PACRG: variants seen among roughly 807,000 people sequenced by gnomAD.
PACRG encodes the protein parkin coregulated.
A neutral mutation model predicts 29.7 loss-of-function variants in PACRG; 29 were observed. The ratio of observed to expected loss-of-function variants is 0.98; its 90% CI spans 0.73 to 1.33. PACRG has a LOEUF of 1.33. PACRG is among the 40% of genes most tolerant of loss of function. The pLI is 0.00. For synonymous variants in PACRG, 116 were observed against 118.7 expected, an observed-to-expected ratio of 0.98 and a Z score of 0.15; for missense variants, 279 against 316.2, an observed-to-expected ratio of 0.88 and a Z score of 0.89.
intron 2 of PACRG, among the ~76,000 whole-genome samples, chr6:162,916,022 G>T (rs1266893994): frequency 6.6e-6 from 1 of 152,102 alleles, no homozygotes; most frequent in Non-Finnish European, 1.5e-5. Flanking sequence ...GTTTCCTCTT[G>T]TATCATTTTT....
At position 162,951,553 on chromosome 6, in the gene PACRG, T is replaced by C. The variant is rs1250022618; in HGVS notation, c.292-110597T>C. Among the ~76,000 whole-genome samples the C allele has an allele frequency of 1.3e-5, 2 of 152,202 alleles. 1 individual carries two copies. The highest frequency in any genetic ancestry group is 2.9e-5 in the Non-Finnish European group (2 of 68,036). ...CTTCATTGTAGAAAGGGAGGTCCTGTGATACGTCCACAACATCTTTCTGAG... is the reference window on the plus strand; with the variant it reads ...CTTCATTGTAGAAAGGGAGGTCCTGCGATACGTCCACAACATCTTTCTGAG... On this transcript the variant is annotated intron_variant, in intron 2 of 4. Transcript: ENST00000366888.
chr6:162,769,968 G>T (rs1783092020), intron 1 of PACRG, among the ~76,000 whole-genome samples: 1 of 151,910 alleles, frequency 6.6e-6, no homozygotes, highest in Non-Finnish European at 1.5e-5. Flanking sequence ...TTTTAAAAAT[G>T]ATAAACTTAT....
intron 4 of PACRG, chr6:163,191,972 G>T: frequency 3.2e-6 from 1 of 311,316 alleles, no homozygotes; most frequent in Non-Finnish European, 6.4e-6. Flanking sequence ...CTACGGGGAA[G>T]CACCGGGGCA....
chr6:162,780,025 A>G (rs1783971631), intron 1 of PACRG, among the ~76,000 whole-genome samples: 2 of 152,244 alleles, frequency 1.3e-5, no homozygotes, highest in South Asian at 4.1e-4. Context: ...TAGAATTCAC[A>G]GGACAGTATG....
intron 1 of PACRG, among the ~76,000 whole-genome samples, chr6:162,804,024 T>C (rs1353838117): frequency 3.9e-5 from 6 of 152,164 alleles, no homozygotes; most frequent in Non-Finnish European, 5.9e-5. Context: ...ATACAAAATT[T>C]TGATAGAAAT....
At chr6:162,858,590 A>G (rs1401918658) in intron 2 of PACRG, among the ~76,000 whole-genome samples, 1 of 152,190 alleles carries the variant, frequency 6.6e-6, no homozygotes. Flanking sequence ...ACATTTATTT[A>G]ATAGAGGTTA....
Position 163,088,493 on chromosome 6 carries a change from C to T in PACRG, c.464-766C>T, listed in dbSNP as rs552433421. 7.9e-5 allele frequency among the ~76,000 whole-genome samples: 12 copies of T among 152,314 alleles called. No homozygotes were observed. In the South Asian group the frequency reaches 2.5e-3, roughly 32 times the overall value. ...TGCCAGTAAGTTGGCCAACCTCGCA[C>T]AGCCAGTTATCAGCATCCTGATTCC... On this transcript the variant is annotated intron_variant, in intron 3 of 4. Coordinates refer to ENST00000366888, the MANE Select transcript of PACRG (RefSeq NM_001080379.2).
chr6:163,234,898 C>A (rs188563229), intron 4 of PACRG, among the ~76,000 whole-genome samples: 4 of 152,246 alleles, frequency 2.6e-5, no homozygotes, highest in Admixed American at 2.6e-4. Context: ...CAAGTACAGG[C>A]AACTCTTTTT....
intron 4 of PACRG, among the ~76,000 whole-genome samples, chr6:163,279,477 T>A (rs568910998): frequency 1.3e-5 from 2 of 152,250 alleles, no homozygotes; most frequent in Non-Finnish European, 2.9e-5. Context: ...CCTAGTGCAA[T>A]TCTTCCTTTG....
intron 1 of PACRG, among the ~76,000 whole-genome samples, chr6:162,730,750 G>C: frequency 6.6e-6 from 1 of 152,190 alleles, no homozygotes; most frequent in African/African-American, 2.4e-5. Flanking sequence ...TGAAATTTTT[G>C]TTGCATTCTA....
In PACRG at chr6:162,728,133, A is replaced by C; in HGVS notation, c.-103A>C. Reference sequence around the variant, plus strand: ...TACGAGGGGTTGAATTTCTACCATTATCGCGCCTTTTGATATTTTTTTCCA... The same window carrying C: ...TACGAGGGGTTGAATTTCTACCATTCTCGCGCCTTTTGATATTTTTTTCCA... On this transcript the variant is annotated 5_prime_UTR_variant, in exon 1 of 5. Transcript: ENST00000366888. 8 of 1,335,560 alleles carry C rather than the reference A, an allele frequency of 6.0e-6. No individual in the cohort carries two copies. The highest frequency in any genetic ancestry group is 8.3e-6 in the Non-Finnish European group (8 of 969,158). 82.7% of individuals were successfully genotyped at this position (1,335,560 alleles called of 1,614,324 possible).
intron 4 of PACRG, among the ~76,000 whole-genome samples, chr6:163,114,086 C>A (rs1585231310): frequency 6.6e-6 from 1 of 152,116 alleles, no homozygotes; most frequent in East Asian, 1.9e-4. Context: ...CCTGTCTCTA[C>A]TAAAAATATA....
Position 162,787,409 on chromosome 6 carries a change from A to G in PACRG, c.157-26738A>G, listed in dbSNP as rs567338672. Among the ~76,000 whole-genome samples, 8 of 151,366 alleles carry G rather than the reference A, an allele frequency of 5.3e-5. No homozygotes were observed. The South Asian group carries it at 1.7e-3, about 32-fold the overall frequency. On this transcript the variant is annotated intron_variant, in intron 1 of 4. Coordinates refer to ENST00000366888, the MANE Select transcript of PACRG (RefSeq NM_001080379.2). The stretch of plus-strand genomic sequence containing the variant: ...AAAAAACTAGCAGGGGGTCTCACAT[A>G]TATGTGTAGGCATATATATATACAC...
At chr6:163,056,888 G>A (rs139822021) in intron 2 of PACRG, among the ~76,000 whole-genome samples, 4 of 152,202 alleles carry the variant, frequency 2.6e-5, no homozygotes, top group South Asian at 2.1e-4. Flanking sequence ...TAGAGAGAGC[G>A]CTTGATGTTG....
At chr6:163,150,419 C>T (rs149288111) in intron 4 of PACRG, among the ~76,000 whole-genome samples, 1 of 152,194 alleles carries the variant, frequency 6.6e-6, no homozygotes, top group East Asian at 1.9e-4. Context: ...GGGACCTTAC[C>T]TTCCTGCTCC....
intron 1 of PACRG, among the ~76,000 whole-genome samples, chr6:162,787,186 A>G (rs1784524865): frequency 6.6e-6 from 1 of 152,178 alleles, no homozygotes; most frequent in African/African-American, 2.4e-5. Flanking sequence ...AAGAGCTACC[A>G]ATTTTATTAG....
chr6:162,769,456 C>T lies in PACRG; in HGVS notation c.156+41065C>T, dbSNP rs149435814. ...TTAAATTACTTGTTCAAAGCTCATA[C>T]GTGTTGTAGCAAGGACTAAGTAGTC... On this transcript the variant is annotated intron_variant, in intron 1 of 4. Coordinates refer to ENST00000366888, the MANE Select transcript of PACRG (RefSeq NM_001080379.2). Among the ~76,000 whole-genome samples, 22 of 152,050 alleles carry T rather than the reference C, an allele frequency of 1.4e-4. No homozygotes were observed. The East Asian group carries it at 3.3e-3, about 23-fold the overall frequency.
intron 1 of PACRG, among the ~76,000 whole-genome samples, chr6:162,760,466 G>A (rs187638321): frequency 1.3e-5 from 2 of 152,266 alleles, no homozygotes; most frequent in East Asian, 3.9e-4. Flanking sequence ...TGTGAGAGAA[G>A]GGGGACAGTG....
intron 2 of PACRG, among the ~76,000 whole-genome samples, chr6:162,858,135 C>G (rs998615484): frequency 1.3e-5 from 2 of 152,172 alleles, no homozygotes; most frequent in Non-Finnish European, 2.9e-5. Context: ...TGTTTTCACA[C>G]TGCTATAAAG....
Sources: gnomAD v4.1 joint callset for allele counts (sites outside exome capture counted in the v4.1 genomes callset) on GRCh38, gnomAD v4.1.1 for gene constraint, MANE v1.5 for transcripts, NCBI Gene and HGNC (gene_info 2026-07-23, HGNC 2026-07-21) for gene names.